The following ARHGAP24 variants were observed in gnomAD, a reference collection of about 807,000 sequenced individuals.
ARHGAP24 encodes the protein rho GTPase-activating protein 24.
Under a neutral mutation model 76.4 loss-of-function variants are expected in ARHGAP24, and 50 were observed. The observed-to-expected ratio is 0.65, with a 90% CI of 0.52 to 0.83. The LOEUF (loss-of-function observed/expected upper bound fraction) is 0.83. Ranked by LOEUF, ARHGAP24 falls within the 40% of genes least tolerant of loss-of-function variation. ARHGAP24 has a pLI of 0.00. For synonymous variants in ARHGAP24, 345 were observed against 323.3 expected (o/e 1.07, Z -0.72); for missense variants, 930 against 914.2 (o/e 1.02, Z -0.22).
At chr4:85,519,631 A>G (rs1413536122) in intron 1 of ARHGAP24, among the ~76,000 whole-genome samples, 1 of 152,184 alleles carries the variant, frequency 6.6e-6, no homozygotes, top group Non-Finnish European at 1.5e-5. Flanking sequence ...TGATTTTCTC[A>G]GATCAACTGA....
In ARHGAP24 at chr4:85,730,616, C is replaced by T. The variant is rs1725364861; in HGVS notation, c.268+8644C>T. 2.0e-5 allele frequency among the ~76,000 whole-genome samples: 3 copies of T among 151,982 alleles called. No individual in the cohort carries two copies. In the South Asian group the frequency reaches 6.2e-4, roughly 32 times the overall value. ...TAGAGATGAGGTCTCACTATGTTGCCCAGGCTGGTCTCAAATCCCTGAGTA... is the reference window on the plus strand; with the variant it reads ...TAGAGATGAGGTCTCACTATGTTGCTCAGGCTGGTCTCAAATCCCTGAGTA... On this transcript the variant is annotated intron_variant, in intron 3 of 9. Coordinates refer to ENST00000395184, the MANE Select transcript of ARHGAP24 (RefSeq NM_001025616.3).
In ARHGAP24 at chr4:85,527,234, G is replaced by A. The variant is rs76578998; in HGVS notation, c.-20-43288G>A. On this transcript the variant is annotated intron_variant, in intron 1 of 9. Coordinates refer to ENST00000395184, the MANE Select transcript of ARHGAP24 (RefSeq NM_001025616.3). ...ATTATAATTTAGAATAAAAAGTAAT[G>A]TTGCATTTCTTACATTCAGTATAAC... 9.7e-3 allele frequency among the ~76,000 whole-genome samples: 1,475 copies of A among 152,238 alleles called. 13 individuals carry two copies. Among genetic ancestry groups the A allele is most frequent in the East Asian group, 0.018 (95 of 5,186 alleles).
rs149365424 is a variant in ARHGAP24, at chr4:85,788,839, A to G, written c.268+66867A>G. On this transcript the variant is annotated intron_variant, in intron 3 of 9. Transcript: ENST00000395184. The stretch of plus-strand genomic sequence containing the variant: ...TTAAAGTACAGCTAAGATTCCCAGA[A>G]AGTAACACCCGTTCTAAGATATGGG... 4.4e-3 allele frequency among the ~76,000 whole-genome samples: 669 copies of G among 152,304 alleles called. 3 individuals carry two copies. The highest frequency in any genetic ancestry group is 0.015 in the African/African-American group (635 of 41,574).
At chr4:85,814,212 A>T (rs1231043799) in intron 3 of ARHGAP24, among the ~76,000 whole-genome samples, 2 of 152,046 alleles carry the variant, frequency 1.3e-5, no homozygotes, top group Admixed American at 6.6e-5. Flanking sequence ...ACAGAGCCAA[A>T]CCATATCATT....
chr4:85,722,252 G>A (rs1046888742), intron 3 of ARHGAP24: 2 of 374,714 alleles, frequency 5.3e-6, no homozygotes, highest in African/African-American at 4.2e-5. Flanking sequence ...AGGACTATTG[G>A]AGATGAATTT....
intron 3 of ARHGAP24, among the ~76,000 whole-genome samples, chr4:85,898,831 G>A (rs62315531): frequency 0.084 from 12,767 of 151,962 alleles, 693 homozygotes; most frequent in South Asian, 0.13. Context: ...TGCAACTTCC[G>A]CCTCCCGGTT....
chr4:85,978,304 G>A (rs1470709752), intron 8 of ARHGAP24, among the ~76,000 whole-genome samples: 1 of 152,144 alleles, frequency 6.6e-6, no homozygotes, highest in African/African-American at 2.4e-5. Context: ...AAAAAGGAAA[G>A]GAGAAACAAT....
chr4:85,821,489 TC>T (rs1005152739), intron 3 of ARHGAP24, among the ~76,000 whole-genome samples: 2 of 152,202 alleles, frequency 1.3e-5, no homozygotes, highest in Admixed American at 1.3e-4. Flanking sequence ...TCTCCCTGCC[TC>T]AGTCTCTTGG....
chr4:85,994,448 A>G (rs1740520706), intron 8 of ARHGAP24, 135 bp from the exon 9 acceptor site: 2 of 890,570 alleles, frequency 2.2e-6, no homozygotes, highest in African/African-American at 1.7e-5. Flanking sequence ...TGCTATTATC[A>G]TAGTTAAGAA....
At chr4:85,698,561 C>A (rs1723955975) in intron 2 of ARHGAP24, among the ~76,000 whole-genome samples, 1 of 152,146 alleles carries the variant, frequency 6.6e-6, no homozygotes, top group African/African-American at 2.4e-5. Flanking sequence ...TTGTAGTGGT[C>A]TGTTAATCTC....
chr4:85,501,807 C>G (rs562830933), intron 1 of ARHGAP24, among the ~76,000 whole-genome samples: 2 of 152,020 alleles, frequency 1.3e-5, no homozygotes, highest in Non-Finnish European at 2.9e-5. Context: ...ATGCCTATGT[C>G]CTGAATGGTA....
intron 3 of ARHGAP24, among the ~76,000 whole-genome samples, chr4:85,785,120 C>A (rs906303408): frequency 2.0e-5 from 3 of 152,208 alleles, no homozygotes; most frequent in African/African-American, 7.2e-5. Context: ...GGTGCATTCA[C>A]GTGTGTCATC....
chr4:85,589,636 G>A (rs147217713), intron 2 of ARHGAP24, among the ~76,000 whole-genome samples: 2 of 152,166 alleles, frequency 1.3e-5, no homozygotes, highest in African/African-American at 2.4e-5. Context: ...TATATTTTTT[G>A]TTTCCTTCGC....
chr4:85,511,745 G>A (rs865842838), intron 1 of ARHGAP24, among the ~76,000 whole-genome samples: 20 of 152,166 alleles, frequency 1.3e-4, no homozygotes, highest in African/African-American at 4.3e-4. Flanking sequence ...GATTACAGGC[G>A]TGAGCCAACC....
intron 1 of ARHGAP24, among the ~76,000 whole-genome samples, chr4:85,536,723 A>T (rs1725484566): frequency 6.6e-6 from 1 of 152,142 alleles, no homozygotes; most frequent in Non-Finnish European, 1.5e-5. Flanking sequence ...GAACTTAATT[A>T]TACATCTTTC....
intron 3 of ARHGAP24, among the ~76,000 whole-genome samples, chr4:85,758,556 T>G (rs577827506): frequency 4.9e-4 from 75 of 152,240 alleles, no homozygotes; most frequent in Non-Finnish European, 7.6e-4. Context: ...TAAGGAAATT[T>G]GGGCAAGAGG....
At chr4:85,817,585 TA>T (rs1156815436) in intron 3 of ARHGAP24, among the ~76,000 whole-genome samples, 10 of 152,310 alleles carry the variant, frequency 6.6e-5, no homozygotes, top group African/African-American at 2.2e-4. Context: ...ATGTATTTGA[TA>T]AATAATAAAA....
chr4:85,899,454 T>C (rs1278139429), intron 3 of ARHGAP24, among the ~76,000 whole-genome samples: 1 of 152,220 alleles, frequency 6.6e-6, no homozygotes, highest in African/African-American at 2.4e-5. Flanking sequence ...TTTACTTTTA[T>C]ATGAATATTT....
At chr4:85,478,590 C>G (rs1009422923) in intron 1 of ARHGAP24, among the ~76,000 whole-genome samples, 3 of 152,230 alleles carry the variant, frequency 2.0e-5, no homozygotes, top group Admixed American at 6.5e-5. Context: ...GTCTCTTTAT[C>G]TAAAACCTTT....
Sources: allele counts gnomAD v4.1 joint callset (sites outside exome capture counted in the v4.1 genomes callset), GRCh38; gene constraint gnomAD v4.1.1; transcripts MANE v1.5; gene names NCBI Gene and HGNC (gene_info 2026-07-23, HGNC 2026-07-21).